Variants in PTBP3 observed in about 807,000 individuals in gnomAD.
PTBP3 encodes the protein polypyrimidine tract binding protein 3.
Under a neutral mutation model 58.7 loss-of-function variants are expected in PTBP3, and 20 were observed. The observed-to-expected ratio is 0.34, with a 90% CI of 0.24 to 0.50. PTBP3 has a LOEUF of 0.50. Among genes scored for constraint, PTBP3 ranks in the 20% least tolerant of loss-of-function variants. The pLI, the probability that PTBP3 is intolerant of heterozygous loss-of-function variation, is 0.98. For missense variants in PTBP3, 509 were observed against 637.2 expected (o/e 0.80, Z 2.17); for synonymous variants, 185 against 219.8 (o/e 0.84, Z 1.40).
chr9:112,249,728 A>C (rs1189725025), intron 7 of PTBP3, among the ~76,000 whole-genome samples: 1 of 152,118 alleles, frequency 6.6e-6, no homozygotes, highest in African/African-American at 2.4e-5. Flanking sequence ...ATAATACAGA[A>C]CATTAATTGC....
chr9:112,376,160 T>G, the PTBP3 span, among the ~76,000 whole-genome samples: 7 of 139,618 alleles, frequency 5.0e-5, 1 homozygote, highest in Non-Finnish European at 1.1e-4. Context: ...CTAGAGGATA[T>G]ATATATATAT....
the PTBP3 span, among the ~76,000 whole-genome samples, chr9:112,377,652 A>C: frequency 2.0e-5 from 3 of 152,346 alleles, no homozygotes; most frequent in South Asian, 6.2e-4. Flanking sequence ...GGTTGGGAGA[A>C]TGTGTTGTAA....
intron 2 of PTBP3, among the ~76,000 whole-genome samples, chr9:112,292,920 TGA>T (rs1828507197): frequency 6.6e-6 from 1 of 151,814 alleles, no homozygotes; most frequent in Admixed American, 6.6e-5. Context: ...TTGACCAAAA[TGA>T]GAGATAGAGG....
At chr9:112,283,155 G>A (rs1167576674) in intron 2 of PTBP3, among the ~76,000 whole-genome samples, 1 of 152,178 alleles carries the variant, frequency 6.6e-6, no homozygotes, top group Non-Finnish European at 1.5e-5. Context: ...ATAGCAGTGT[G>A]AGAACAGACT....
chr9:112,227,811 A>G (rs914039418), intron 11 of PTBP3, among the ~76,000 whole-genome samples, 184 bp from the exon 12 acceptor site: 15 of 152,202 alleles, frequency 9.9e-5, no homozygotes, highest in African/African-American at 3.4e-4. Context: ...TCATTTCACT[A>G]TAAGAAAAGC....
At chr9:112,350,088 G>A in the PTBP3 span, among the ~76,000 whole-genome samples, 1 of 151,630 alleles carries the variant, frequency 6.6e-6, no homozygotes, top group Non-Finnish European at 1.5e-5. Flanking sequence ...TTTTTAAATT[G>A]AAGACCATTA....
the PTBP3 span, among the ~76,000 whole-genome samples, chr9:112,349,499 C>G: frequency 6.6e-6 from 1 of 152,134 alleles, no homozygotes; most frequent in South Asian, 2.1e-4. Context: ...CGATCGGTGT[C>G]TCAAACAGGG....
chr9:112,335,954 A>G (rs1264037761), upstream of PTBP3, among the ~76,000 whole-genome samples: 3 of 148,506 alleles, frequency 2.0e-5, no homozygotes, highest in African/African-American at 7.4e-5. Context: ...GCTCACTGCA[A>G]CCTCTGCCTC....
intron 3 of PTBP3, 61 bp from the exon 4 acceptor site, chr9:112,268,256 A>C (rs1453635440): frequency 6.5e-7 from 1 of 1,538,480 alleles, no homozygotes; most frequent in Non-Finnish European, 8.7e-7. Flanking sequence ...GTTAAGATAT[A>C]TTTTGCCATT....
chr9:112,317,674 C>T (rs1190320214), intron 1 of PTBP3, among the ~76,000 whole-genome samples: 7 of 152,070 alleles, frequency 4.6e-5, no homozygotes. Flanking sequence ...ATGGGCCGGG[C>T]ACAGTGGCTC....
chr9:112,270,753 C>T (rs1222409228), intron 3 of PTBP3, among the ~76,000 whole-genome samples: 2 of 152,184 alleles, frequency 1.3e-5, no homozygotes, highest in African/African-American at 4.8e-5. Context: ...CCCACCACTA[C>T]CACCAACTGC....
intron 7 of PTBP3, among the ~76,000 whole-genome samples, chr9:112,249,828 T>C (rs1836032852): frequency 6.6e-6 from 1 of 151,710 alleles, no homozygotes; most frequent in African/African-American, 2.4e-5. Context: ...CCAGTATTTT[T>C]TTTTTTGCAC....
chr9:112,315,022 G>A (rs572759903), intron 1 of PTBP3, among the ~76,000 whole-genome samples: 9 of 152,024 alleles, frequency 5.9e-5, no homozygotes, highest in South Asian at 2.1e-4. Flanking sequence ...TAGTAGAGAC[G>A]GAGTGTCACC....
chr9:112,304,530 C>A (rs1173198090), intron 1 of PTBP3, among the ~76,000 whole-genome samples: 1 of 152,148 alleles, frequency 6.6e-6, no homozygotes, highest in African/African-American at 2.4e-5. Flanking sequence ...ATCCTTTTAA[C>A]TGATAAGCTT....
chr9:112,233,407 G>A (rs1344691010), intron 8 of PTBP3, among the ~76,000 whole-genome samples: 1 of 151,090 alleles, frequency 6.6e-6, no homozygotes, highest in Admixed American at 6.6e-5. Flanking sequence ...TTTATATATA[G>A]AGTATATCTA....
chr9:112,262,774 C>T (rs1324009513), intron 4 of PTBP3, among the ~76,000 whole-genome samples, 175 bp from the exon 5 acceptor site: 1 of 152,220 alleles, frequency 6.6e-6, no homozygotes. Context: ...AAACACCTCC[C>T]TGCATACCAC....
intron 5 of PTBP3, among the ~76,000 whole-genome samples, chr9:112,254,389 A>C (rs1040039431): frequency 2.0e-5 from 3 of 152,220 alleles, no homozygotes; most frequent in African/African-American, 7.2e-5. Flanking sequence ...AGCACAGGTA[A>C]TGAATGAAAA....
intron 1 of PTBP3, among the ~76,000 whole-genome samples, chr9:112,304,865 T>C (rs781593931): frequency 2.6e-5 from 4 of 152,220 alleles, no homozygotes; most frequent in Non-Finnish European, 5.9e-5. Context: ...TAGTAGATTA[T>C]TAAAATTCTA....
chr9:112,288,661 T>C (rs1245449879), intron 2 of PTBP3, among the ~76,000 whole-genome samples: 1 of 152,222 alleles, frequency 6.6e-6, no homozygotes, highest in Non-Finnish European at 1.5e-5. Context: ...TCTATCATGG[T>C]TGAAAGCAGA....
Sources: allele counts gnomAD v4.1 joint callset (sites outside exome capture counted in the v4.1 genomes callset), GRCh38; gene constraint gnomAD v4.1.1; transcripts MANE v1.5; gene names NCBI Gene and HGNC (gene_info 2026-07-23, HGNC 2026-07-21).